The following ULK4 variants were observed in gnomAD, a reference collection of about 807,000 sequenced individuals.
The protein encoded by ULK4 is inactive serine/threonine-protein kinase ULK4.
In ULK4, 133 loss-of-function variants were observed where a neutral mutation model predicts 160.6. The observed-to-expected ratio is 0.83, with a 90% CI of 0.72 to 0.96. The LOEUF (loss-of-function observed/expected upper bound fraction) is 0.96. Among genes scored for constraint, ULK4 ranks in the 40% least tolerant of loss-of-function variants. The pLI, the probability that ULK4 is intolerant of heterozygous loss-of-function variation, is 0.00. For synonymous variants in ULK4, 534 were observed against 539.8 expected, an observed-to-expected ratio of 0.99 and a Z score of 0.15; for missense variants, 1,580 against 1,499.5, an observed-to-expected ratio of 1.05 and a Z score of -0.89.
At chr3:41,512,972 A>C (rs1445405963) in intron 32 of ULK4, among the ~76,000 whole-genome samples, 1 of 137,892 alleles carries the variant, frequency 7.3e-6, no homozygotes, top group African/African-American at 2.6e-5. Context: ...AAATAAAGCC[A>C]AATACTTACT....
intron 5 of ULK4, among the ~76,000 whole-genome samples, chr3:41,929,831 TAA>T (rs994793628): frequency 1.3e-5 from 2 of 151,868 alleles, no homozygotes; most frequent in Non-Finnish European, 2.9e-5. Context: ...CTCAAAGAAA[TAA>T]GAGAGGACAC....
At chr3:41,844,688 G>A (rs547939028) in intron 17 of ULK4, among the ~76,000 whole-genome samples, 375 of 152,156 alleles carry the variant, frequency 2.5e-3, no homozygotes, top group African/African-American at 7.9e-3. Context: ...CGCCAAGAGC[G>A]AGCGAGGGCT....
intron 30 of ULK4, among the ~76,000 whole-genome samples, chr3:41,637,205 C>G (rs1167220349): frequency 6.6e-6 from 1 of 152,172 alleles, no homozygotes; most frequent in Non-Finnish European, 1.5e-5. Context: ...CCTTCTACCT[C>G]CTTCCCTCAC....
chr3:41,501,972 T>C (rs1409163568), intron 32 of ULK4, among the ~76,000 whole-genome samples: 1 of 152,264 alleles, frequency 6.6e-6, no homozygotes, highest in Non-Finnish European at 1.5e-5. Flanking sequence ...CCTGTCTTAC[T>C]TCACTTGGCA....
intron 17 of ULK4, among the ~76,000 whole-genome samples, chr3:41,841,655 C>T (rs561327660): frequency 7.9e-5 from 12 of 152,268 alleles, no homozygotes; most frequent in Middle Eastern, 3.4e-3. Context: ...CAGCGACCAT[C>T]GAGAACGGGC....
At chr3:41,393,688 C>T (rs577898001) in intron 35 of ULK4, among the ~76,000 whole-genome samples, 1 of 152,170 alleles carries the variant, frequency 6.6e-6, no homozygotes, top group South Asian at 2.1e-4. Context: ...GTTTCATTAT[C>T]CCTGGTGCAG....
At chr3:41,474,732 G>A (rs1217739312) in intron 32 of ULK4, among the ~76,000 whole-genome samples, 9 of 147,718 alleles carry the variant, frequency 6.1e-5, no homozygotes, top group African/African-American at 1.3e-4. Flanking sequence ...AAATGGCCAC[G>A]AGATACATGA....
At chr3:41,534,630 C>G (rs1009990071) in intron 32 of ULK4, among the ~76,000 whole-genome samples, 1 of 151,802 alleles carries the variant, frequency 6.6e-6, no homozygotes, top group Admixed American at 6.6e-5. Context: ...ACTGAGGCAA[C>G]AGACACTGAA....
chr3:41,621,941 A>C (rs185065946), intron 30 of ULK4, among the ~76,000 whole-genome samples: 1 of 152,308 alleles, frequency 6.6e-6, no homozygotes, highest in Non-Finnish European at 1.5e-5. Context: ...ACCCCAACAG[A>C]AAAGGCGAAG....
intron 32 of ULK4, among the ~76,000 whole-genome samples, chr3:41,558,749 T>C (rs1459990064): frequency 6.6e-6 from 1 of 150,964 alleles, no homozygotes. Context: ...GAAATAGAAC[T>C]CTAAATTCTT....
intron 17 of ULK4, among the ~76,000 whole-genome samples, chr3:41,844,063 G>T (rs2042004272): frequency 6.6e-6 from 1 of 152,200 alleles, no homozygotes; most frequent in Non-Finnish European, 1.5e-5. Flanking sequence ...AGACATAAAG[G>T]TTCTGCAAGT....
intron 16 of ULK4, among the ~76,000 whole-genome samples, chr3:41,885,283 C>CATTA (rs768813836): frequency 3.3e-5 from 5 of 152,120 alleles, no homozygotes; most frequent in Non-Finnish European, 7.4e-5. Flanking sequence ...ATTATTTTCC[C>CATTA]TAATATGACC....
At chr3:41,834,112 A>C (rs185283403) in intron 18 of ULK4, among the ~76,000 whole-genome samples, 6 of 151,586 alleles carry the variant, frequency 4.0e-5, no homozygotes, top group Non-Finnish European at 7.4e-5. Flanking sequence ...ATGGGGTACA[A>C]AACTAGGAAA....
chr3:41,413,699 TTTC>T (rs2082460707), intron 34 of ULK4, among the ~76,000 whole-genome samples: 1 of 152,126 alleles, frequency 6.6e-6, no homozygotes, highest in Admixed American at 6.5e-5. Flanking sequence ...ATAATTATAT[TTTC>T]TTTTTTGTCT....
At chr3:41,768,483 G>C (rs1483800596) in intron 21 of ULK4, among the ~76,000 whole-genome samples, 1 of 152,164 alleles carries the variant, frequency 6.6e-6, no homozygotes, top group African/African-American at 2.4e-5. Flanking sequence ...TCCTGAAACA[G>C]TCACTCTTGG....
chr3:41,325,234 CA>C (rs796736782), intron 35 of ULK4, among the ~76,000 whole-genome samples: 5 of 151,578 alleles, frequency 3.3e-5, no homozygotes, highest in African/African-American at 9.7e-5. Flanking sequence ...CACCCCTTTT[CA>C]AAAAAAATGA....
chr3:41,587,912 C>A (rs2030953052), intron 31 of ULK4, among the ~76,000 whole-genome samples: 1 of 149,768 alleles, frequency 6.7e-6, no homozygotes, highest in African/African-American at 2.4e-5. Context: ...GAAAAGTGAT[C>A]TTCTGTTATT....
At chr3:41,815,630 C>T (rs918626457) in intron 19 of ULK4, among the ~76,000 whole-genome samples, 1 of 152,186 alleles carries the variant, frequency 6.6e-6, no homozygotes, top group African/African-American at 2.4e-5. Context: ...AATACGTCCT[C>T]AATGCCCTCC....
chr3:41,838,010 G>A (rs1410822469), intron 17 of ULK4, among the ~76,000 whole-genome samples: 1 of 152,182 alleles, frequency 6.6e-6, no homozygotes. Context: ...ATCAGTCCTT[G>A]CAGCAGGTCA....
Sources: gnomAD v4.1 joint callset for allele counts (sites outside exome capture counted in the v4.1 genomes callset) on GRCh38, gnomAD v4.1.1 for gene constraint, MANE v1.5 for transcripts, NCBI Gene and HGNC (gene_info 2026-07-23, HGNC 2026-07-21) for gene names.